Variants in OSTF1 observed in about 807,000 individuals in gnomAD.
The protein encoded by OSTF1 is osteoclast stimulating factor 1, also known as osteoclast-stimulating factor 1.
Under a neutral mutation model 37.2 loss-of-function variants are expected in OSTF1, and 27 were observed. The ratio of observed to expected loss-of-function variants is 0.73; its 90% CI spans 0.54 to 1.00. The LOEUF (loss-of-function observed/expected upper bound fraction) is 1.00. Ranked by LOEUF, OSTF1 falls within the 50% of genes least tolerant of loss-of-function variation. The pLI is 0.00. For missense variants in OSTF1, 232 were observed against 253.8 expected (o/e 0.91, Z 0.58); for synonymous variants, 82 against 89.2 (o/e 0.92, Z 0.46).
chr9:75,132,369 A>T (rs1825774323), intron 5 of OSTF1, among the ~76,000 whole-genome samples: 1 of 152,170 alleles, frequency 6.6e-6, no homozygotes, highest in Non-Finnish European at 1.5e-5. Flanking sequence ...CTTGGGCTTT[A>T]TTCTGTAGAT....
chr9:75,099,267 T>C (rs1270325725), intron 1 of OSTF1, among the ~76,000 whole-genome samples: 1 of 150,900 alleles, frequency 6.6e-6, no homozygotes, highest in Non-Finnish European at 1.5e-5. Context: ...TAAATGGCTT[T>C]TTTTTTTTTT....
At chr9:75,142,123 G>A (rs1825953590) in intron 9 of OSTF1, among the ~76,000 whole-genome samples, 1 of 152,126 alleles carries the variant, frequency 6.6e-6, no homozygotes, top group African/African-American at 2.4e-5. Flanking sequence ...TGAATATAGT[G>A]TAACTGCTAA....
Position 75,101,679 on chromosome 9 carries a change from A to G in OSTF1, c.34+12953A>G, listed in dbSNP as rs115638970. Among the ~76,000 whole-genome samples the G allele has an allele frequency of 3.9e-3, 587 of 152,282 alleles. 5 individuals are homozygous for G. Among genetic ancestry groups the G allele is most frequent in the African/African-American group, 0.014 (570 of 41,562 alleles). On this transcript the variant is annotated intron_variant, in intron 1 of 9. Transcript: ENST00000346234. ...TCTTTCTCCTATGTCCAAAGTTTGT[A>G]TTATTTTACCAGAGTTCTAATATTA...
intron 1 of OSTF1, among the ~76,000 whole-genome samples, chr9:75,115,798 A>G (rs1825478709): frequency 6.6e-6 from 1 of 152,074 alleles, no homozygotes; most frequent in African/African-American, 2.4e-5. Context: ...ATATTCAGGA[A>G]AAATACTAAA....
At chr9:75,143,272 G>A (rs1003678854) in intron 9 of OSTF1, among the ~76,000 whole-genome samples, 2 of 152,174 alleles carry the variant, frequency 1.3e-5, no homozygotes, top group African/African-American at 4.8e-5. Context: ...ACATTTTGCA[G>A]TTACTATGGA....
intron 2 of OSTF1, among the ~76,000 whole-genome samples, chr9:75,127,167 G>A (rs1825674675): frequency 6.6e-6 from 1 of 152,150 alleles, no homozygotes; most frequent in African/African-American, 2.4e-5. Context: ...TTGAGGCCTT[G>A]TTTAAGAGAA....
chr9:75,132,735 A>G (rs1374096063), intron 5 of OSTF1, among the ~76,000 whole-genome samples: 1 of 152,216 alleles, frequency 6.6e-6, no homozygotes, highest in African/African-American at 2.4e-5. Flanking sequence ...GACATTTAAA[A>G]AATTCTTTGT....
chr9:75,132,205 G>A (rs190745877), intron 5 of OSTF1, among the ~76,000 whole-genome samples: 1 of 152,134 alleles, frequency 6.6e-6, no homozygotes, highest in Non-Finnish European at 1.5e-5. Context: ...GGCCGTAGAG[G>A]CCCAGGTGAG....
intron 1 of OSTF1, among the ~76,000 whole-genome samples, chr9:75,100,966 C>T (rs1330706401): frequency 6.6e-6 from 1 of 152,152 alleles, no homozygotes; most frequent in African/African-American, 2.4e-5. Flanking sequence ...TGGGGAAATC[C>T]TAAAGGACTC....
chr9:75,137,516 C>A, intron 7 of OSTF1, 22 bp from the exon 8 acceptor site: 2 of 1,522,466 alleles, frequency 1.3e-6, no homozygotes, highest in Non-Finnish European at 1.8e-6. Flanking sequence ...AAAAATGGTA[C>A]TTTCTCTTTT....
At chr9:75,122,189 G>A (rs1825591436) in intron 2 of OSTF1, among the ~76,000 whole-genome samples, 1 of 152,176 alleles carries the variant, frequency 6.6e-6, no homozygotes, top group Non-Finnish European at 1.5e-5. Context: ...GTTAAGAGGA[G>A]CATTGATTTC....
chr9:75,131,701 T>A, intron 4 of OSTF1, 69 bp from the exon 5 acceptor site: 1 of 1,152,812 alleles, frequency 8.7e-7, no homozygotes, highest in Non-Finnish European at 1.3e-6. Context: ...CTGTGGTGAA[T>A]GAGTGGCTTC....
At chr9:75,101,964 T>G (rs1025800939) in intron 1 of OSTF1, among the ~76,000 whole-genome samples, 23 of 152,164 alleles carry the variant, frequency 1.5e-4, no homozygotes, top group African/African-American at 5.1e-4. Flanking sequence ...TTTAAAAAAA[T>G]TTTTAAATTA....
At chr9:75,116,577 A>G (rs779096581) in intron 1 of OSTF1, among the ~76,000 whole-genome samples, 6 of 148,894 alleles carry the variant, frequency 4.0e-5, no homozygotes, top group Non-Finnish European at 8.9e-5. Context: ...TTGGGACTTA[A>G]TGGAATCATA....
chr9:75,094,423 T>C (rs919857047), intron 1 of OSTF1, among the ~76,000 whole-genome samples: 7 of 151,830 alleles, frequency 4.6e-5, no homozygotes, highest in Non-Finnish European at 1.0e-4. Context: ...GAGACTGTGA[T>C]TGGGCTTTTC....
chr9:75,132,177 A>G (rs1340418560), intron 5 of OSTF1, among the ~76,000 whole-genome samples: 3 of 152,196 alleles, frequency 2.0e-5, no homozygotes, highest in Non-Finnish European at 4.4e-5. Flanking sequence ...AAGTACAGCA[A>G]TTGAAATGTG....
chr9:75,088,526 C>T lies in OSTF1; in HGVS notation c.-167C>T, dbSNP rs897361157. ...GGCGGGGCGGAGCACTCGGCGGAGCCGCTCTGCCTGCGTCCGCTCTTCCCG... is the reference window on the plus strand; with the variant it reads ...GGCGGGGCGGAGCACTCGGCGGAGCTGCTCTGCCTGCGTCCGCTCTTCCCG... On this transcript the variant is annotated 5_prime_UTR_variant, in exon 1 of 10. Coordinates refer to ENST00000346234, the MANE Select transcript of OSTF1 (RefSeq NM_012383.5). The T allele has an allele frequency of 1.4e-5, 10 of 718,330 alleles. No homozygotes were observed. Among genetic ancestry groups the T allele is most frequent in the South Asian group, 5.1e-5 (3 of 58,478 alleles). The allele number at this position is 718,330 out of a possible 1,614,324, so 44.5% of individuals were successfully genotyped here.
chr9:75,133,004 CACACACA>C (rs1257718273), intron 5 of OSTF1, among the ~76,000 whole-genome samples: 480 of 29,164 alleles, frequency 0.016, 2 homozygotes, highest in African/African-American at 0.04. Flanking sequence ...CACACACACA[CACACACA>C]CCCCTATATA....
intron 1 of OSTF1, among the ~76,000 whole-genome samples, chr9:75,110,824 C>T (rs1316629017): frequency 6.6e-6 from 1 of 152,046 alleles, no homozygotes; most frequent in Non-Finnish European, 1.5e-5. Context: ...AGTCCTCCCA[C>T]TTCAGCCTCC....
Sources: allele counts gnomAD v4.1 joint callset (sites outside exome capture counted in the v4.1 genomes callset), GRCh38; gene constraint gnomAD v4.1.1; transcripts MANE v1.5; gene names NCBI Gene and HGNC (gene_info 2026-07-23, HGNC 2026-07-21).